Variants in LPIN2 observed in about 807,000 individuals in gnomAD.
The protein encoded by LPIN2 is phosphatidate phosphatase LPIN2.
LPIN2 carries 55 observed loss-of-function variants against 111.4 expected under a neutral mutation model. That is an observed-to-expected ratio of 0.49 (90% CI 0.40 to 0.62). The LOEUF is 0.62. Among genes scored for constraint, LPIN2 ranks in the 20% least tolerant of loss-of-function variants. The pLI is 0.00. For synonymous variants in LPIN2, 425 were observed against 414.0 expected (o/e 1.03, Z -0.32); for missense variants, 992 against 1,112.1 (o/e 0.89, Z 1.54).
chr18:2,988,364 G>A (rs569180451), intron 1 of LPIN2, among the ~76,000 whole-genome samples: 1 of 152,180 alleles, frequency 6.6e-6, no homozygotes, highest in Non-Finnish European at 1.5e-5. Flanking sequence ...AAATTCTAAT[G>A]CTATACTTAA....
intron 4 of LPIN2, among the ~76,000 whole-genome samples, chr18:2,947,046 C>A (rs1228023584): frequency 2.0e-5 from 3 of 152,116 alleles, no homozygotes; most frequent in Non-Finnish European, 4.4e-5. Flanking sequence ...AGCCAATTAC[C>A]GATCAGGAGA....
chr18:2,937,589 T>A, intron 7 of LPIN2, 103 bp downstream of exon 7: 1 of 792,160 alleles, frequency 1.3e-6, no homozygotes, highest in Non-Finnish European at 2.1e-6. Context: ...GGGTTTCGAC[T>A]GGTGAATACA....
At chr18:2,978,062 C>T (rs960488374) in intron 1 of LPIN2, among the ~76,000 whole-genome samples, 1 of 151,974 alleles carries the variant, frequency 6.6e-6, no homozygotes, top group Non-Finnish European at 1.5e-5. Flanking sequence ...GTGGTGGCAC[C>T]TGTAGTCCCA....
intron 8 of LPIN2, among the ~76,000 whole-genome samples, 159 bp from the exon 9 acceptor site, chr18:2,931,602 A>G (rs1252728394): frequency 6.6e-6 from 1 of 152,250 alleles, no homozygotes; most frequent in Non-Finnish European, 1.5e-5. Context: ...AGGGTTTAGA[A>G]TCATATCATA....
intron 5 of LPIN2, 134 bp from the exon 6 acceptor site, chr18:2,939,737 A>G: frequency 1.1e-6 from 1 of 885,556 alleles, no homozygotes; most frequent in Admixed American, 2.2e-5. Flanking sequence ...TATGGAAGGG[A>G]GCATCAATTA....
chr18:2,975,755 ACC>A (rs1424625847), intron 1 of LPIN2, among the ~76,000 whole-genome samples: 1 of 152,220 alleles, frequency 6.6e-6, no homozygotes, highest in African/African-American at 2.4e-5. Context: ...ACTATTGATA[ACC>A]ATAAGCAACT....
intron 1 of LPIN2, among the ~76,000 whole-genome samples, chr18:2,981,811 T>C (rs112744394): frequency 0.01 from 1,554 of 148,676 alleles, 25 homozygotes; most frequent in African/African-American, 0.038. Flanking sequence ...TTTTTAAAGA[T>C]AATAAACATT....
chr18:2,953,336 A>AG (rs1479534981), intron 3 of LPIN2, among the ~76,000 whole-genome samples: 1 of 152,190 alleles, frequency 6.6e-6, no homozygotes, highest in Non-Finnish European at 1.5e-5. Flanking sequence ...AATAATTTTA[A>AG]GAAACATACA....
At chr18:2,954,725 G>C in intron 2 of LPIN2, 126 bp from the exon 3 acceptor site, 1 of 741,490 alleles carries the variant, frequency 1.3e-6, no homozygotes. Flanking sequence ...TACAGCCTCT[G>C]AGAAACACTG....
intron 1 of LPIN2, among the ~76,000 whole-genome samples, chr18:2,986,549 A>G (rs202026221): frequency 2.7e-5 from 4 of 148,572 alleles, no homozygotes; most frequent in Admixed American, 2.0e-4. Context: ...TTTTAATGTA[A>G]AAAAAAAAAA....
intron 6 of LPIN2, 99 bp from the exon 7 acceptor site, chr18:2,938,136 ACACAT>A: frequency 1.1e-6 from 1 of 888,922 alleles, no homozygotes; most frequent in Non-Finnish European, 1.8e-6. Flanking sequence ...TTTTAACTTA[ACACAT>A]TCATTAAGTA....
chr18:2,982,848 G>T, intron 1 of LPIN2: 1 of 549,106 alleles, frequency 1.8e-6, no homozygotes, highest in Non-Finnish European at 3.2e-6. Flanking sequence ...TTGACAAACT[G>T]AGTACAAACT....
At chr18:2,961,689 C>G (rs1285046040) in intron 1 of LPIN2, among the ~76,000 whole-genome samples, 1 of 152,100 alleles carries the variant, frequency 6.6e-6, no homozygotes, top group Non-Finnish European at 1.5e-5. Flanking sequence ...AACCAAATCC[C>G]CCCCTTCAGT....
At chr18:2,991,660 C>T (rs1011942750) in intron 1 of LPIN2, among the ~76,000 whole-genome samples, 3 of 151,832 alleles carry the variant, frequency 2.0e-5, no homozygotes, top group African/African-American at 2.4e-5. Flanking sequence ...TGCAGTGAGC[C>T]GAGACCATGT....
Position 2,917,415 on chromosome 18 carries a change from CT to C in LPIN2, c.*2877del, listed in dbSNP as rs1010753959. On this transcript the variant is annotated 3_prime_UTR_variant, in exon 20 of 20. Coordinates refer to ENST00000677752, the MANE Select transcript of LPIN2 (RefSeq NM_001375808.2). ...TGTAAAAAGTGAAAGAGCTGACTTC[CT>C]TGTTTATTCTTTAAAGGGTTGGCCT... The C allele has an allele frequency of 8.5e-5, 13 of 152,146 alleles. No individual in the cohort carries two copies. The highest frequency in any genetic ancestry group is 3.1e-4 in the African/African-American group (13 of 41,424). The allele number at this position is 152,146 out of a possible 1,614,324, so 9.4% of individuals were successfully genotyped here.
intron 1 of LPIN2, among the ~76,000 whole-genome samples, chr18:2,964,282 CAAAAAAAA>C (rs56276815): frequency 5.3e-5 from 3 of 56,868 alleles, no homozygotes; most frequent in Non-Finnish European, 9.0e-5. Flanking sequence ...GACTCCGTCT[CAAAAAAAA>C]AAAAAAAAAA....
chr18:2,983,219 G>A (rs375588660), intron 1 of LPIN2, among the ~76,000 whole-genome samples: 6 of 152,234 alleles, frequency 3.9e-5, no homozygotes, highest in Non-Finnish European at 5.9e-5. Flanking sequence ...GACATTTTCC[G>A]AGCAGCAGGG....
intron 1 of LPIN2, among the ~76,000 whole-genome samples, chr18:3,000,284 C>T (rs1688396504): frequency 6.6e-6 from 1 of 151,806 alleles, no homozygotes; most frequent in African/African-American, 2.4e-5. Flanking sequence ...AGTACAGAAA[C>T]AGGAGAGGAA....
chr18:2,941,636 A>C (rs1461247450), intron 4 of LPIN2, among the ~76,000 whole-genome samples: 2 of 152,184 alleles, frequency 1.3e-5, no homozygotes, highest in African/African-American at 4.8e-5. Flanking sequence ...AAGCACAAAG[A>C]AAGACTCTGG....
Sources: allele counts gnomAD v4.1 joint callset (sites outside exome capture counted in the v4.1 genomes callset), GRCh38; gene constraint gnomAD v4.1.1; transcripts MANE v1.5; gene names NCBI Gene and HGNC (gene_info 2026-07-23, HGNC 2026-07-21).